The following SPEF2 variants were observed in gnomAD, a reference collection of about 807,000 sequenced individuals.
SPEF2 encodes sperm flagella and cilia-associated protein 2.
A neutral mutation model predicts 224.6 loss-of-function variants in SPEF2; 187 were observed. That is an observed-to-expected ratio of 0.83 (90% CI 0.74 to 0.94). The LOEUF (loss-of-function observed/expected upper bound fraction) is 0.94. Among genes scored for constraint, SPEF2 ranks in the 40% least tolerant of loss-of-function variants. SPEF2 has a pLI of 0.00. For synonymous variants in SPEF2, 715 were observed against 707.3 expected, an observed-to-expected ratio of 1.01 and a Z score of -0.17; for missense variants, 2,170 against 2,135.6, an observed-to-expected ratio of 1.02 and a Z score of -0.32.
intron 20 of SPEF2, among the ~76,000 whole-genome samples, chr5:35,722,942 T>C (rs1470819483): frequency 6.6e-6 from 1 of 152,098 alleles, no homozygotes; most frequent in Non-Finnish European, 1.5e-5. Flanking sequence ...AAAATGGGGT[T>C]CTTGTCTGCC....
intron 25 of SPEF2, among the ~76,000 whole-genome samples, chr5:35,762,923 G>T (rs1360739076): frequency 5.9e-5 from 9 of 152,112 alleles, no homozygotes; most frequent in Admixed American, 1.3e-4. Context: ...AAACCTTTGT[G>T]GGGGTGGTGC....
At chr5:35,795,028 T>G (rs1196783301) in intron 32 of SPEF2, among the ~76,000 whole-genome samples, 1 of 152,108 alleles carries the variant, frequency 6.6e-6, no homozygotes, top group Non-Finnish European at 1.5e-5. Flanking sequence ...CAATGTTGTT[T>G]CAGTGGAAAA....
At chr5:35,758,382 A>G (rs1485128427) in intron 24 of SPEF2, among the ~76,000 whole-genome samples, 4 of 152,198 alleles carry the variant, frequency 2.6e-5, no homozygotes, top group South Asian at 2.1e-4. Flanking sequence ...GCACAGATAT[A>G]CACCATATTG....
At chr5:35,718,016 T>A (rs1288491703) in intron 20 of SPEF2, among the ~76,000 whole-genome samples, 1 of 152,074 alleles carries the variant, frequency 6.6e-6, no homozygotes, top group Admixed American at 6.5e-5. Flanking sequence ...CTGTTTATAG[T>A]TTGATGGCCT....
chr5:35,719,787 A>C (rs1310933316), intron 20 of SPEF2, among the ~76,000 whole-genome samples: 1 of 151,994 alleles, frequency 6.6e-6, no homozygotes, highest in Admixed American at 6.6e-5. Context: ...ACACCCAGCT[A>C]ATTTTTGTAT....
intron 23 of SPEF2, among the ~76,000 whole-genome samples, chr5:35,741,248 C>T (rs750544680): frequency 1.3e-5 from 2 of 152,166 alleles, no homozygotes; most frequent in Admixed American, 6.5e-5. Context: ...GGGAAAAGAA[C>T]GTTGGATGTA....
At chr5:35,670,331 C>T (rs1276627202) in intron 10 of SPEF2, 104 bp downstream of exon 10, 11 of 1,452,432 alleles carry the variant, frequency 7.6e-6, no homozygotes, top group East Asian at 2.5e-5. Flanking sequence ...TAAAAATAGA[C>T]ATGTTTTGTT....
chr5:35,803,769 A>G (rs192488760), intron 34 of SPEF2, among the ~76,000 whole-genome samples: 27 of 152,298 alleles, frequency 1.8e-4, no homozygotes, highest in Admixed American at 4.6e-4. Flanking sequence ...AAGCCATTCA[A>G]TCAGATCTCT....
chr5:35,760,000 G>A (rs1278863935), intron 25 of SPEF2, among the ~76,000 whole-genome samples: 1 of 151,840 alleles, frequency 6.6e-6, no homozygotes, highest in Non-Finnish European at 1.5e-5. Flanking sequence ...GGTGGTATTA[G>A]GGAATATATG....
chr5:35,727,229 A>C (rs751195698), intron 20 of SPEF2, among the ~76,000 whole-genome samples: 1 of 152,066 alleles, frequency 6.6e-6, no homozygotes, highest in African/African-American at 2.4e-5. Flanking sequence ...GACTCTTATA[A>C]CATCCTCCTT....
At chr5:35,771,975 C>T (rs1752918833) in intron 27 of SPEF2, among the ~76,000 whole-genome samples, 1 of 152,186 alleles carries the variant, frequency 6.6e-6, no homozygotes, top group Admixed American at 6.5e-5. Flanking sequence ...CAGATGTACT[C>T]AGGGTAAAAT....
At chr5:35,736,065 A>T (rs574046190) in intron 21 of SPEF2, among the ~76,000 whole-genome samples, 27 of 152,342 alleles carry the variant, frequency 1.8e-4, no homozygotes, top group East Asian at 3.9e-4. Context: ...AGATAAAATT[A>T]AAAAATAAGC....
Position 35,712,434 on chromosome 5 carries a change from A to G in SPEF2, c.2840-378A>G, listed in dbSNP as rs550744020. On this transcript the variant is annotated intron_variant, in intron 19 of 36. Coordinates refer to ENST00000356031, the MANE Select transcript of SPEF2 (RefSeq NM_024867.4). The stretch of plus-strand genomic sequence containing the variant: ...ATCACAGATACAGTTGTCTTGTTGT[A>G]TAGGCACATTCAGTTGAAACAAATC... 3.3e-5 allele frequency among the ~76,000 whole-genome samples: 5 copies of G among 152,224 alleles called. No homozygotes were observed. The South Asian group carries it at 8.3e-4, about 25-fold the overall frequency.
Position 35,739,990 on chromosome 5 carries a change from A to G in SPEF2, c.3135A>G (p.Val1045=). 6.2e-7 allele frequency: 1 copy of G among 1,614,144 alleles called. No homozygotes were observed. The highest frequency in any genetic ancestry group is 8.5e-7 in the Non-Finnish European group (1 of 1,180,010). Residue 1045 remains valine, a synonymous_variant, in exon 22 of 37, where the codon GTA becomes GTG. Coordinates refer to ENST00000356031, the MANE Select transcript of SPEF2 (RefSeq NM_024867.4). ...ENSYINTIKT[V]LRHLREDQHT... ...CCTATATAAACACCATCAAAACAGT[A>G]CTCAGGCATCTGAGGGAAGACCAGC...
intron 8 of SPEF2, among the ~76,000 whole-genome samples, chr5:35,661,554 T>C (rs567608356): frequency 6.6e-6 from 1 of 152,004 alleles, no homozygotes; most frequent in South Asian, 2.1e-4. Context: ...TTAGTTATTT[T>C]GCCTGATCCT....
chr5:35,663,398 G>A (rs1349153713), intron 8 of SPEF2, among the ~76,000 whole-genome samples: 3 of 152,256 alleles, frequency 2.0e-5, no homozygotes, highest in African/African-American at 4.8e-5. Flanking sequence ...CAAGCCAAAT[G>A]TATGACCTTT....
At chr5:35,642,346 C>T (rs1475738382) in intron 3 of SPEF2, among the ~76,000 whole-genome samples, 1 of 152,170 alleles carries the variant, frequency 6.6e-6, no homozygotes, top group Non-Finnish European at 1.5e-5. Context: ...ACTCACCCTT[C>T]TCATCTCTCC....
At chr5:35,664,360 GGAAA>G (rs1750151210) in intron 8 of SPEF2, among the ~76,000 whole-genome samples, 1 of 150,822 alleles carries the variant, frequency 6.6e-6, no homozygotes, top group Admixed American at 6.6e-5. Flanking sequence ...AAGGAAGGAA[GGAAA>G]GAAGGAAGGA....
chr5:35,764,552 T>C (rs752406702), intron 26 of SPEF2: 44 of 456,044 alleles, frequency 9.6e-5, no homozygotes, highest in Admixed American at 2.6e-4. Flanking sequence ...GTCCTGGGTC[T>C]ACCAAGATGT....
Sources: gnomAD v4.1 joint callset for allele counts (sites outside exome capture counted in the v4.1 genomes callset) on GRCh38, gnomAD v4.1.1 for gene constraint, MANE v1.5 for transcripts, NCBI Gene and HGNC (gene_info 2026-07-23, HGNC 2026-07-21) for gene names.